The following KIAA0319 variants were observed in gnomAD, a reference collection of about 807,000 sequenced individuals.
KIAA0319 encodes dyslexia-associated protein KIAA0319.
KIAA0319 carries 83 observed loss-of-function variants against 108.4 expected under a neutral mutation model. The ratio of observed to expected loss-of-function variants is 0.77; its 90% confidence interval spans 0.64 to 0.92. KIAA0319 has a LOEUF of 0.92. KIAA0319 is among the 40% of genes least tolerant of loss of function. The pLI is 0.00. For missense variants in KIAA0319, 1,195 were observed against 1,322.4 expected, an observed-to-expected ratio of 0.90 and a Z score of 1.49; for synonymous variants, 484 against 510.4, an observed-to-expected ratio of 0.95 and a Z score of 0.70.
intron 13 of KIAA0319, among the ~76,000 whole-genome samples, chr6:24,567,632 T>G (rs1404203430): frequency 1.3e-5 from 2 of 152,100 alleles, no homozygotes; most frequent in African/African-American, 4.8e-5. Context: ...GATCAGGAGT[T>G]TGAGGCTGCA....
intron 1 of KIAA0319, among the ~76,000 whole-genome samples, chr6:24,642,216 AAGG>A (rs1235191216): frequency 6.7e-6 from 1 of 149,146 alleles, no homozygotes; most frequent in Non-Finnish European, 1.5e-5. Context: ...GAAGGAAAGG[AAGG>A]AAGGAAAGAA....
chr6:24,632,345 A>G lies in KIAA0319; in HGVS notation c.-106+13391T>C, dbSNP rs1259977801. ...ATATTGTTATCTCCAACAGGTATAT[A>G]GAATATTCTAGCTGAATCGGTTGAA... On this transcript the variant is annotated intron_variant, in intron 1 of 20. Transcript: ENST00000378214. 4.6e-5 allele frequency among the ~76,000 whole-genome samples: 7 copies of G among 152,250 alleles called. 1 individual carries two copies. The East Asian group carries it at 1.3e-3, about 29-fold the overall frequency.
intron 20 of KIAA0319, among the ~76,000 whole-genome samples, chr6:24,548,960 G>C (rs540449198): frequency 8.5e-5 from 13 of 152,206 alleles, no homozygotes; most frequent in African/African-American, 2.4e-4. Flanking sequence ...GAAATCTAAT[G>C]CCTAAATGGT....
At chr6:24,542,468 A>T (rs1028344412), downstream of KIAA0319, among the ~76,000 whole-genome samples, 15 of 152,298 alleles carry the variant, frequency 9.8e-5, no homozygotes, top group Non-Finnish European at 2.1e-4. Flanking sequence ...TGTAGCTCAC[A>T]TCAGTAATCC....
chr6:24,630,710 T>TATATATATATACAC lies in KIAA0319; in HGVS notation c.-106+15025_-106+15026insGTGTATATATATAT, dbSNP rs373537245. Among the ~76,000 whole-genome samples the TATATATATATACAC allele has an allele frequency of 4.7e-3, 655 of 138,590 alleles. 8 individuals are homozygous for TATATATATATACAC. Among genetic ancestry groups the TATATATATATACAC allele is most frequent in the African/African-American group, 0.019 (626 of 33,014 alleles). The allele number at this position is 138,590 out of a possible 152,430, so 90.9% of individuals were successfully genotyped here. A position where few individuals can be genotyped will look rare whatever the true frequency, so the allele number is the denominator to read the frequency against. On this transcript the variant is annotated intron_variant, in intron 1 of 20. Coordinates refer to ENST00000378214, the MANE Select transcript of KIAA0319 (RefSeq NM_014809.4). ...ATATATATATATATATATACACATA[T>TATATATATATACAC]ACACACAAACTTTAGTACAGCTATC...
At chr6:24,633,687 A>T (rs192746983) in intron 1 of KIAA0319, among the ~76,000 whole-genome samples, 151 of 152,320 alleles carry the variant, frequency 9.9e-4, no homozygotes, top group African/African-American at 3.4e-3. Flanking sequence ...TAAACCAGCA[A>T]AAATATAAAA....
chr6:24,574,189 T>C (rs1464440782), intron 10 of KIAA0319, among the ~76,000 whole-genome samples: 1 of 151,972 alleles, frequency 6.6e-6, no homozygotes, highest in African/African-American at 2.4e-5. Flanking sequence ...ATCCTAGCAC[T>C]TAGGGAGGCC....
chr6:24,603,897 C>T (rs908450812), intron 1 of KIAA0319, among the ~76,000 whole-genome samples: 1 of 152,100 alleles, frequency 6.6e-6, no homozygotes, highest in Non-Finnish European at 1.5e-5. Context: ...CTGCCGTCGA[C>T]CACACCGAGC....
chr6:24,585,389 T>C (rs1767313809), intron 4 of KIAA0319, among the ~76,000 whole-genome samples: 2 of 151,754 alleles, frequency 1.3e-5, no homozygotes, highest in South Asian at 2.1e-4. Context: ...AAGAAACTCC[T>C]TGTGGGCCTC....
rs148886527 is a variant in KIAA0319 at position 24,601,078 on chromosome 6, G to A, written c.26C>T (p.Ser9Phe). The A allele has an allele frequency of 1.2e-5, 20 of 1,614,038 alleles. No homozygotes were observed. In the African/African-American group the frequency reaches 2.7e-4, roughly 22 times the overall value. ...AATTGTCACCAGCAGCAGCAATGAA[G>A]AGAGCACACCTGTGGGGGGCGCCAT... is the stretch of plus-strand genomic sequence containing the variant. MAPPTGVL[S>F]SLLLLVTIAG... is the part of the protein sequence containing the mutation. The change falls in exon 2 of 21, where the codon TCT becomes TTT. Residue 9 changes from serine to phenylalanine, a missense_variant. Coordinates refer to ENST00000378214, the MANE Select transcript of KIAA0319 (RefSeq NM_014809.4).
chr6:24,541,561 G>T (rs530267040), downstream of KIAA0319, among the ~76,000 whole-genome samples: 1 of 152,374 alleles, frequency 6.6e-6, no homozygotes, highest in African/African-American at 2.4e-5. Flanking sequence ...ACTTTGGTAG[G>T]CCGAGGCTGG....
chr6:24,601,995 T>C (rs1026095895), intron 1 of KIAA0319, among the ~76,000 whole-genome samples: 1 of 152,076 alleles, frequency 6.6e-6, no homozygotes, highest in Non-Finnish European at 1.5e-5. Context: ...GAAATAATGA[T>C]GGAATAAATC....
chr6:24,588,173 T>TA (rs1387381913), intron 4 of KIAA0319, among the ~76,000 whole-genome samples: 2 of 152,226 alleles, frequency 1.3e-5, no homozygotes, highest in African/African-American at 4.8e-5. Flanking sequence ...AAGTGCTCAG[T>TA]AAATACAATG....
chr6:24,601,118 TG>T lies in KIAA0319; in HGVS notation c.-16del. 6.2e-7 allele frequency: 1 copy of T among 1,613,562 alleles called. No individual in the cohort carries two copies. ...GGGGGCGCCATTGTGCACCACACAGTGGGTGATGGCAGGCTTCTGAGGCGGC... is the reference window on the plus strand; with the variant it reads ...GGGGGCGCCATTGTGCACCACACAGTGGTGATGGCAGGCTTCTGAGGCGGC... On this transcript the variant is annotated 5_prime_UTR_variant, in exon 2 of 21. Transcript: ENST00000378214.
rs765380288 is a variant in KIAA0319 at position 24,546,151 on chromosome 6, T to A, written c.*1014A>T. ...TAAATGTATTTTTAAACATATGAAG[T>A]GAATACATCTATGTCAAGTTATTTT... is the stretch of plus-strand genomic sequence containing the variant. On this transcript the variant is annotated 3_prime_UTR_variant, in exon 21 of 21. Transcript: ENST00000378214. 3 of 152,222 alleles carry A rather than the reference T, an allele frequency of 2.0e-5. No individual in the cohort carries two copies. The highest frequency in any genetic ancestry group is 4.4e-5 in the Non-Finnish European group (3 of 68,044). The allele number at this position is 152,222 out of a possible 1,614,324, so 9.4% of individuals were successfully genotyped here. A position where few individuals can be genotyped will look rare whatever the true frequency, so the allele number is the denominator to read the frequency against.
intron 11 of KIAA0319, 29 bp from the exon 12 acceptor site, chr6:24,570,064 T>C (rs201228056): frequency 6.2e-7 from 1 of 1,608,126 alleles, no homozygotes; most frequent in Non-Finnish European, 8.5e-7. Context: ...TGTGAAAAAG[T>C]ATTATCTCTT....
chr6:24,570,065 A>C, intron 11 of KIAA0319, 30 bp from the exon 12 acceptor site: 1 of 1,608,188 alleles, frequency 6.2e-7, no homozygotes, highest in African/African-American at 1.3e-5. Context: ...GTGAAAAAGT[A>C]TTATCTCTTT....
chr6:24,602,567 A>G (rs1240782171), intron 1 of KIAA0319, among the ~76,000 whole-genome samples: 1 of 152,104 alleles, frequency 6.6e-6, no homozygotes, highest in African/African-American at 2.4e-5. Flanking sequence ...TTGGGAGGCC[A>G]AGGCGGGTGG....
chr6:24,645,058 G>T (rs1562133464), intron 1 of KIAA0319, among the ~76,000 whole-genome samples: 1 of 152,162 alleles, frequency 6.6e-6, no homozygotes, highest in Non-Finnish European at 1.5e-5. Flanking sequence ...CAGGAATAAA[G>T]AAATAAATAC....
Sources: allele counts gnomAD v4.1 joint callset (sites outside exome capture counted in the v4.1 genomes callset), GRCh38; gene constraint gnomAD v4.1.1; transcripts MANE v1.5; gene names NCBI Gene and HGNC (gene_info 2026-07-23, HGNC 2026-07-21).